Variants in CFDP1 observed in about 807,000 individuals in gnomAD.
CFDP1 encodes heterochromatin-stabilizing protein CFDP1.
CFDP1 carries 31 observed loss-of-function variants against 40.1 expected under a neutral mutation model. That is an observed-to-expected ratio of 0.77 (90% CI 0.58 to 1.04). The LOEUF (loss-of-function observed/expected upper bound fraction) is 1.04, where lower values mean the gene tolerates loss of function less well. CFDP1 is among the 50% of genes least tolerant of loss of function. The pLI, the probability that CFDP1 is intolerant of heterozygous loss-of-function variation, is 0.00. For synonymous variants in CFDP1, 167 were observed against 120.0 expected, an observed-to-expected ratio of 1.39 and a Z score of -2.56; for missense variants, 423 against 343.4, an observed-to-expected ratio of 1.23 and a Z score of -1.83.
At chr16:75,386,215 T>G (rs1597372721) in intron 5 of CFDP1, among the ~76,000 whole-genome samples, 1 of 152,158 alleles carries the variant, frequency 6.6e-6, no homozygotes, top group East Asian at 1.9e-4. Context: ...GGCACTATAA[T>G]TTGAGGCTAA....
At chr16:75,413,189 T>C (rs542811783) in intron 2 of CFDP1, among the ~76,000 whole-genome samples, 6 of 152,316 alleles carry the variant, frequency 3.9e-5, no homozygotes, top group African/African-American at 1.2e-4. Flanking sequence ...TTATTTGCAC[T>C]ATTTCTTCCA....
At chr16:75,429,120 A>T (rs78963898) in intron 1 of CFDP1, among the ~76,000 whole-genome samples, 3,499 of 152,206 alleles carry the variant, frequency 0.023, 52 homozygotes, top group Non-Finnish European at 0.038. Flanking sequence ...CTGTCTCGAA[A>T]AAAAAGAAAA....
At chr16:75,326,590 G>T (rs1426879155) in intron 5 of CFDP1, among the ~76,000 whole-genome samples, 1 of 152,192 alleles carries the variant, frequency 6.6e-6, no homozygotes, top group South Asian at 2.1e-4. Context: ...ACAGTGAACA[G>T]GTAAGGTGGC....
intron 4 of CFDP1, among the ~76,000 whole-genome samples, chr16:75,401,768 C>T (rs1224429014): frequency 9.3e-6 from 1 of 107,048 alleles, no homozygotes; most frequent in African/African-American, 2.8e-5. Context: ...AATGACAAGC[C>T]TGGAAAGAGT....
At position 75,411,607 on chromosome 16, in the gene CFDP1, G is replaced by C. The variant is rs544916506; in HGVS notation, c.530+218C>G. On this transcript the variant is annotated intron_variant, in intron 4 of 6. Coordinates refer to ENST00000283882, the MANE Select transcript of CFDP1 (RefSeq NM_006324.3). Reference sequence around the variant, plus strand: ...ACTCATATTCCCTTGCTTCTGTTCAGCTGAGCACTTCGTAAAGCTCAAAAA... The same window carrying C: ...ACTCATATTCCCTTGCTTCTGTTCACCTGAGCACTTCGTAAAGCTCAAAAA... Among the ~76,000 whole-genome samples, 34 of 152,256 alleles carry C rather than the reference G, an allele frequency of 2.2e-4. No homozygotes were observed. The South Asian group carries it at 6.6e-3, about 30-fold the overall frequency.
chr16:75,367,475 G>C (rs1597358079), intron 5 of CFDP1, among the ~76,000 whole-genome samples: 1 of 151,420 alleles, frequency 6.6e-6, no homozygotes, highest in Admixed American at 6.6e-5. Context: ...GGGCAGGGTG[G>C]GAGAGATAAA....
At chr16:75,299,907 A>G (rs1265622855) in intron 6 of CFDP1, among the ~76,000 whole-genome samples, 1 of 152,108 alleles carries the variant, frequency 6.6e-6, no homozygotes, top group Non-Finnish European at 1.5e-5. Flanking sequence ...CCTGGATGAC[A>G]AATCAGAGCC....
At chr16:75,366,571 C>G (rs751590313) in intron 5 of CFDP1, among the ~76,000 whole-genome samples, 2 of 151,878 alleles carry the variant, frequency 1.3e-5, no homozygotes, top group Non-Finnish European at 2.9e-5. Context: ...TGCAGTGAGC[C>G]GAGATCGTGC....
chr16:75,328,033 C>A (rs531080156), intron 5 of CFDP1, among the ~76,000 whole-genome samples: 1 of 150,916 alleles, frequency 6.6e-6, no homozygotes, highest in African/African-American at 2.4e-5. Flanking sequence ...CCCGGCAACA[C>A]CAAATTATAA....
At chr16:75,325,263 T>C (rs75780570) in intron 5 of CFDP1, among the ~76,000 whole-genome samples, 3,407 of 152,254 alleles carry the variant, frequency 0.022, 69 homozygotes, top group African/African-American at 0.055. Context: ...CCTCCCAGAC[T>C]TCCTCTCCTA....
chr16:75,325,836 A>G (rs1463094910), intron 5 of CFDP1, among the ~76,000 whole-genome samples: 2 of 152,220 alleles, frequency 1.3e-5, no homozygotes, highest in Non-Finnish European at 2.9e-5. Context: ...GGTTTTCTAC[A>G]GGGGAACTAA....
In CFDP1 at chr16:75,334,064, T is replaced by C. The variant is rs1310775534; in HGVS notation, c.651-28882A>G. Among the ~76,000 whole-genome samples the C allele has an allele frequency of 2.6e-5, 4 of 152,116 alleles. No homozygotes were observed. The East Asian group carries it at 5.8e-4, about 22-fold the overall frequency. ...GAGAGGCTGTGAGCATTATTAATCA[T>C]GAATGTTCTGCCAGAGCCTCTGTGC... On this transcript the variant is annotated intron_variant, in intron 5 of 6. Transcript: ENST00000283882.
chr16:75,372,488 C>T (rs531567850), intron 5 of CFDP1: 1 of 150,170 alleles, frequency 6.7e-6, no homozygotes, highest in African/African-American at 2.4e-5. Context: ...GAGTTGCCTG[C>T]AGACTGGTTC....
At chr16:75,332,168 C>T (rs949050943) in intron 5 of CFDP1, among the ~76,000 whole-genome samples, 13 of 152,052 alleles carry the variant, frequency 8.5e-5, no homozygotes, top group East Asian at 1.9e-4. Context: ...CCACCCTCTA[C>T]GAAAAATAAA....
chr16:75,379,375 A>G (rs1207104058), intron 5 of CFDP1, among the ~76,000 whole-genome samples: 8 of 152,090 alleles, frequency 5.3e-5, no homozygotes, highest in Admixed American at 5.2e-4. Flanking sequence ...CAAATTACCA[A>G]TATCGGAGGT....
chr16:75,320,832 C>G (rs2078357988), intron 5 of CFDP1, among the ~76,000 whole-genome samples: 1 of 152,148 alleles, frequency 6.6e-6, no homozygotes, highest in Non-Finnish European at 1.5e-5. Flanking sequence ...GAACAAAATC[C>G]AAAAACATGA....
Position 75,299,262 on chromosome 16 carries a change from G to A in CFDP1, c.810-5220C>T, listed in dbSNP as rs150962059. ...TCCTGGATGGAAACATCATTCTGAC[G>A]TATTATGCTCTTCTTTTCTGGGTGA... On this transcript the variant is annotated intron_variant, in intron 6 of 6. Transcript: ENST00000283882. Among the ~76,000 whole-genome samples the A allele has an allele frequency of 6.6e-3, 1,011 of 152,238 alleles. 11 individuals carry two copies. Among genetic ancestry groups the A allele is most frequent in the Middle Eastern group, 0.017 (5 of 294 alleles).
At chr16:75,393,018 C>T (rs1401031046) in intron 5 of CFDP1, among the ~76,000 whole-genome samples, 1 of 152,208 alleles carries the variant, frequency 6.6e-6, no homozygotes, top group Non-Finnish European at 1.5e-5. Flanking sequence ...ATCCACATGT[C>T]CTGGCATTCA....
intron 5 of CFDP1, among the ~76,000 whole-genome samples, chr16:75,388,753 T>C (rs1650842655): frequency 6.6e-6 from 1 of 152,228 alleles, no homozygotes; most frequent in African/African-American, 2.4e-5. Context: ...CTACATACAC[T>C]GAATTCTGGC....
Sources: allele counts gnomAD v4.1 joint callset (sites outside exome capture counted in the v4.1 genomes callset), GRCh38; gene constraint gnomAD v4.1.1; transcripts MANE v1.5; gene names NCBI Gene and HGNC (gene_info 2026-07-23, HGNC 2026-07-21).